The following MFSD2A variants were observed in gnomAD, a reference collection of about 807,000 sequenced individuals.
MFSD2A encodes the protein sodium-dependent lysophosphatidylcholine symporter 1.
MFSD2A carries 27 observed loss-of-function variants against 64.7 expected under a neutral mutation model. The ratio of observed to expected loss-of-function variants is 0.42; its 90% CI spans 0.31 to 0.58. MFSD2A has a LOEUF of 0.58. Ranked by LOEUF, MFSD2A falls within the 20% of genes least tolerant of loss-of-function variation. The pLI, the probability that MFSD2A is intolerant of heterozygous loss-of-function variation, is 0.18. For missense variants in MFSD2A, 474 were observed against 679.5 expected (o/e 0.70, Z 3.36); for synonymous variants, 258 against 273.4 (o/e 0.94, Z 0.55).
At chr1:39,957,673 T>G (rs963766156) in intron 2 of MFSD2A, 4 of 158,116 alleles carry the variant, frequency 2.5e-5, no homozygotes, top group African/African-American at 9.6e-5. Flanking sequence ...CAGGCTAAGT[T>G]AGAATGCCCC....
Position 39,967,269 on chromosome 1 carries a change from A to G in MFSD2A, c.1011+100A>G. ...CAGAGGATGTTTCTCAGGCTGGCCC[A>G]AGGTCATGAAAGGATGAGGGAGGCT... On this transcript the variant is annotated intron_variant, in intron 9 of 13. Transcript: ENST00000372811. 1.9e-6 allele frequency: 2 copies of G among 1,061,754 alleles called. 1 individual carries two copies. Among genetic ancestry groups the G allele is most frequent in the Non-Finnish European group, 2.8e-6 (2 of 707,600 alleles). 65.8% of individuals were successfully genotyped at this position (1,061,754 alleles called of 1,614,324 possible).
chr1:39,966,059 T>C (rs1386044910), intron 6 of MFSD2A, 45 bp downstream of exon 6: 3 of 1,606,604 alleles, frequency 1.9e-6, no homozygotes, highest in Non-Finnish European at 1.7e-6. Flanking sequence ...TAAGGAACAG[T>C]GAGGTGGTTT....
chr1:39,956,181 C>CT (rs1460284371), intron 1 of MFSD2A, among the ~76,000 whole-genome samples: 9 of 152,214 alleles, frequency 5.9e-5, no homozygotes, highest in Non-Finnish European at 1.2e-4. Flanking sequence ...ACCTGGAGGC[C>CT]TTTCCTCCCG....
intron 3 of MFSD2A, among the ~76,000 whole-genome samples, chr1:39,959,417 T>C (rs1227223634): frequency 6.6e-6 from 1 of 152,012 alleles, no homozygotes; most frequent in African/African-American, 2.4e-5. Context: ...CTGGCTAATC[T>C]TTTAAAATTA....
At chr1:39,966,161 C>G in intron 6 of MFSD2A, 147 bp downstream of exon 6, 4 of 961,396 alleles carry the variant, frequency 4.2e-6, no homozygotes, top group Non-Finnish European at 6.0e-6. Flanking sequence ...AATATACCTA[C>G]TTTGCAGAAA....
intron 3 of MFSD2A, among the ~76,000 whole-genome samples, chr1:39,959,649 A>G (rs1644993521): frequency 6.6e-6 from 1 of 151,726 alleles, no homozygotes; most frequent in Non-Finnish European, 1.5e-5. Flanking sequence ...GATAATAGTT[A>G]TACCTATCTC....
rs1369824284 is a variant in MFSD2A, at chr1:39,963,005, G to A, written c.354-2206G>A. 2 of 1,502,724 alleles carry A rather than the reference G, an allele frequency of 1.3e-6. No individual in the cohort carries two copies. Among genetic ancestry groups the A allele is most frequent in the Non-Finnish European group, 1.8e-6 (2 of 1,099,760 alleles). 93.1% of individuals were successfully genotyped at this position (1,502,724 alleles called of 1,614,324 possible). A position where few individuals can be genotyped will look rare whatever the true frequency, so the allele number is the denominator to read the frequency against. Reference sequence around the variant, plus strand: ...AGGAGGTGGCCACCGCCATCCGTGGGGCCATCATCCTGGCCAAGCTCTCCA... The same window carrying A: ...AGGAGGTGGCCACCGCCATCCGTGGAGCCATCATCCTGGCCAAGCTCTCCA... On this transcript the variant is annotated intron_variant, in intron 3 of 13. Transcript: ENST00000372811. The surrounding 1 kb of genome is among the most constrained non-coding windows in gnomAD (Gnocchi z 4.2).
At chr1:39,962,736 A>G in intron 3 of MFSD2A, 1 of 842,776 alleles carries the variant, frequency 1.2e-6, no homozygotes, top group Non-Finnish European at 2.0e-6. Flanking sequence ...GATGCCTGTC[A>G]CCAAGCTGGG....
rs1645192214 is a variant in MFSD2A, at chr1:39,967,619, C to T, written c.1012-9C>T. ...GCACCTCCCTTTAACCCCCTTTGTC[C>T]ATCCACAGCTCTCGGCCACTTTAAC... is the stretch of plus-strand genomic sequence containing the variant. On this transcript the variant is annotated splice_polypyrimidine_tract_variant and intron_variant, in intron 9 of 13. Coordinates refer to ENST00000372811, the MANE Select transcript of MFSD2A (RefSeq NM_032793.5). 1 of 1,613,880 alleles carries T rather than the reference C, an allele frequency of 6.2e-7. No individual in the cohort carries two copies. Among genetic ancestry groups the T allele is most frequent in the East Asian group, 2.2e-5 (1 of 44,886 alleles).
chr1:39,962,602 T>C, intron 3 of MFSD2A: 1 of 765,580 alleles, frequency 1.3e-6, no homozygotes, highest in Non-Finnish European at 2.2e-6. Flanking sequence ...GGCCCTGGGA[T>C]GGGGAACTCT....
intron 3 of MFSD2A, among the ~76,000 whole-genome samples, chr1:39,961,980 G>A (rs373263869): frequency 6.6e-6 from 1 of 152,186 alleles, no homozygotes; most frequent in Non-Finnish European, 1.5e-5. Flanking sequence ...CATTAGTTAC[G>A]CATGCCAACT....
At position 39,969,646 on chromosome 1, in the gene MFSD2A, G is replaced by T. The variant is rs1165749598; in HGVS notation, c.*78G>T. The T allele has an allele frequency of 7.3e-7, 1 of 1,364,718 alleles. No homozygotes were observed. Among genetic ancestry groups the T allele is most frequent in the East Asian group, 2.6e-5 (1 of 38,980 alleles). 84.5% of individuals were successfully genotyped at this position (1,364,718 alleles called of 1,614,324 possible). On this transcript the variant is annotated 3_prime_UTR_variant, in exon 14 of 14. Coordinates refer to ENST00000372811, the MANE Select transcript of MFSD2A (RefSeq NM_032793.5). ...GACCTGTCTGCCGGCTTGCTGAGCA[G>T]CTGGACTGCAGGTGCTAGGAAGGGA...
In MFSD2A at chr1:39,965,088, T is replaced by G; in HGVS notation, c.354-123T>G. The G allele has an allele frequency of 7.3e-7, 1 of 1,366,756 alleles. No homozygotes were observed. The highest frequency in any genetic ancestry group is 2.7e-4 in the Middle Eastern group (1 of 3,758). 84.7% of individuals were successfully genotyped at this position (1,366,756 alleles called of 1,614,324 possible). A position where few individuals can be genotyped will look rare whatever the true frequency, so the allele number is the denominator to read the frequency against. ...AGGATGGGTGGATTTGGCAGGAGTATGGGGAAGGAAGGAAGAGCTTAGCTT... is the reference window on the plus strand; with the variant it reads ...AGGATGGGTGGATTTGGCAGGAGTAGGGGGAAGGAAGGAAGAGCTTAGCTT... On this transcript the variant is annotated intron_variant, in intron 3 of 13. Transcript: ENST00000372811. This position sits in a 1 kb window ranked among gnomAD's most constrained non-coding sequence, Gnocchi z 5.5.
Position 39,968,884 on chromosome 1 carries a change from G to A in MFSD2A, c.1529+139G>A. The A allele has an allele frequency of 2.3e-6, 2 of 887,460 alleles. No homozygotes were observed. Among genetic ancestry groups the A allele is most frequent in the East Asian group, 5.2e-5 (2 of 38,102 alleles). The allele number at this position is 887,460 out of a possible 1,614,324, so 55.0% of individuals were successfully genotyped here. A position where few individuals can be genotyped will look rare whatever the true frequency, so the allele number is the denominator to read the frequency against. ...AGCTGTAACACTTAAGTACGCACCA[G>A]GCACTGTGTTAAGTGGTCTTACCTT... On this transcript the variant is annotated intron_variant, in intron 13 of 13. Coordinates refer to ENST00000372811, the MANE Select transcript of MFSD2A (RefSeq NM_032793.5). The surrounding 1 kb of genome is among the most constrained non-coding windows in gnomAD (Gnocchi z 4.4).
In MFSD2A at chr1:39,960,365, T is replaced by A. The variant is rs1570241756; in HGVS notation, c.353+1540T>A. 6.6e-6 allele frequency among the ~76,000 whole-genome samples: 1 copy of A among 152,196 alleles called. No homozygotes were observed. The highest frequency in any genetic ancestry group is 2.1e-4 in the South Asian group (1 of 4,832). ...CCCCTTCCCCCACTACAGCTTCCTT[T>A]CCCACGAGGCCCCCCACCCACCCCA... On this transcript the variant is annotated intron_variant, in intron 3 of 13. Transcript: ENST00000372811. The surrounding 1 kb of genome is among the most constrained non-coding windows in gnomAD (Gnocchi z 4.8).
At position 39,968,522 on chromosome 1, in the gene MFSD2A, C is replaced by T. The variant is rs1229875747; in HGVS notation, c.1352+45C>T. 6.2e-7 allele frequency: 1 copy of T among 1,613,630 alleles called. No homozygotes were observed. Among genetic ancestry groups the T allele is most frequent in the Admixed American group, 1.7e-5 (1 of 59,982 alleles). The stretch of plus-strand genomic sequence containing the variant: ...GGGGCAGGACTGGGCAGGGCCAGGC[C>T]CCAGGTGCCCCATCTTCACCGTTCT... On this transcript the variant is annotated intron_variant, in intron 12 of 13. Transcript: ENST00000372811. The surrounding 1 kb of genome is among the most constrained non-coding windows in gnomAD (Gnocchi z 4.4).
chr1:39,959,007 C>A (rs1295075681), intron 3 of MFSD2A, among the ~76,000 whole-genome samples, 182 bp downstream of exon 3: 1 of 152,166 alleles, frequency 6.6e-6, no homozygotes, highest in Non-Finnish European at 1.5e-5. Context: ...CTGGCATGCT[C>A]AGCCAGTTCA....
At position 39,965,458 on chromosome 1, in the gene MFSD2A, T is replaced by C; in HGVS notation, c.478-13T>C. 1.9e-6 allele frequency: 3 copies of C among 1,613,956 alleles called. No individual in the cohort carries two copies. The highest frequency in any genetic ancestry group is 2.5e-6 in the Non-Finnish European group (3 of 1,179,966). ...ACCCGCCTGACCAGCCAATGACCTG[T>C]CTTCTATGCCAGTGTTTCCATGTTC... On this transcript the variant is annotated splice_polypyrimidine_tract_variant and intron_variant, in intron 4 of 13. Transcript: ENST00000372811. The surrounding 1 kb of genome is among the most constrained non-coding windows in gnomAD (Gnocchi z 5.5).
At position 39,957,231 on chromosome 1, in the gene MFSD2A, C is replaced by G. The variant is rs772940721; in HGVS notation, c.228+10C>G. The G allele has an allele frequency of 1.3e-6, 2 of 1,551,338 alleles. No homozygotes were observed. The highest frequency in any genetic ancestry group is 2.4e-5 in the South Asian group (2 of 82,970). On this transcript the variant is annotated intron_variant, in intron 2 of 13. Coordinates refer to ENST00000372811, the MANE Select transcript of MFSD2A (RefSeq NM_032793.5). ...ATTGGATGTGGCTCAGGTGAGTGGTCTAAGCCTTCGAGGGCTCCTTCAGCA... is the reference window on the plus strand; with the variant it reads ...ATTGGATGTGGCTCAGGTGAGTGGTGTAAGCCTTCGAGGGCTCCTTCAGCA...
Sources: gnomAD v4.1 joint callset for allele counts (sites outside exome capture counted in the v4.1 genomes callset) on GRCh38, gnomAD v4.1.1 for gene constraint, Gnocchi (gnomAD v3.1) non-coding constraint, MANE v1.5 for transcripts, NCBI Gene and HGNC (gene_info 2026-07-23, HGNC 2026-07-21) for gene names.